Variants in MEI4 observed in about 807,000 individuals in gnomAD.
MEI4 encodes meiosis-specific protein MEI4.
In MEI4, 27 loss-of-function variants were observed where a neutral mutation model predicts 31.4. The ratio of observed to expected loss-of-function variants is 0.86; its 90% CI spans 0.63 to 1.19. The LOEUF is 1.19. MEI4 is among the 50% of genes most tolerant of loss of function. The probability of loss-of-function intolerance (pLI) is 0.00; values close to 1 mark genes in which losing one functional copy is unlikely to be tolerated. For missense variants in MEI4, 329 were observed against 398.9 expected, an observed-to-expected ratio of 0.82 and a Z score of 1.49; for synonymous variants, 122 against 145.4, an observed-to-expected ratio of 0.84 and a Z score of 1.16.
At chr6:77,763,337 C>T (rs571634066) in intron 3 of MEI4, among the ~76,000 whole-genome samples, 1 of 152,192 alleles carries the variant, frequency 6.6e-6, no homozygotes, top group South Asian at 2.1e-4. Flanking sequence ...CCATGCACAC[C>T]AAGTTCCCTG....
rs542008733 is a variant in MEI4, at chr6:77,865,162, A to G, written c.900+36100A>G. 5.9e-5 allele frequency among the ~76,000 whole-genome samples: 9 copies of G among 152,332 alleles called. No homozygotes were observed. In the East Asian group the frequency reaches 1.4e-3, roughly 23 times the overall value. The stretch of plus-strand genomic sequence containing the variant: ...CTAAAATTGACACCCTAACATCACA[A>G]TTAAAAGAACTAGAGAAGCAAGAGC... On this transcript the variant is annotated intron_variant, in intron 4 of 4. Transcript: ENST00000684080.
rs188124944 is a variant in MEI4 at position 77,791,520 on chromosome 6, G to A, written c.768+29855G>A. 3.2e-3 allele frequency among the ~76,000 whole-genome samples: 435 copies of A among 135,140 alleles called. 1 individual carries two copies. Among genetic ancestry groups the A allele is most frequent in the African/African-American group, 0.012 (424 of 35,678 alleles). 88.7% of individuals were successfully genotyped at this position (135,140 alleles called of 152,430 possible). A position where few individuals can be genotyped will look rare whatever the true frequency, so the allele number is the denominator to read the frequency against. The stretch of plus-strand genomic sequence containing the variant: ...CACAGGAAGGGGAATATCACACTCT[G>A]GCGACTGTTGTGGGGTGGGGGGAGG... On this transcript the variant is annotated intron_variant, in intron 3 of 4. Transcript: ENST00000684080.
intron 4 of MEI4, among the ~76,000 whole-genome samples, chr6:77,852,115 G>A (rs1397861219): frequency 6.6e-6 from 1 of 152,218 alleles, no homozygotes; most frequent in Non-Finnish European, 1.5e-5. Context: ...ATCTAAGCCT[G>A]GTAGCTTTGC....
chr6:77,887,043 G>A (rs1023382748), intron 4 of MEI4, among the ~76,000 whole-genome samples: 1 of 151,476 alleles, frequency 6.6e-6, no homozygotes, highest in African/African-American at 2.4e-5. Flanking sequence ...GGGGTTTATT[G>A]TTATGTTGTT....
intron 2 of MEI4, among the ~76,000 whole-genome samples, chr6:77,714,043 T>C (rs1766525900): frequency 6.6e-6 from 1 of 152,200 alleles, no homozygotes; most frequent in African/African-American, 2.4e-5. Context: ...GCTCTATCTA[T>C]GTCCCTACAA....
chr6:77,677,476 C>T (rs1476595510), intron 1 of MEI4, among the ~76,000 whole-genome samples: 1 of 152,202 alleles, frequency 6.6e-6, no homozygotes, highest in Non-Finnish European at 1.5e-5. Flanking sequence ...CTTTTCTTCC[C>T]TAGTATAGTG....
chr6:77,668,567 C>T (rs1582005675), intron 1 of MEI4, among the ~76,000 whole-genome samples: 1 of 152,182 alleles, frequency 6.6e-6, no homozygotes, highest in East Asian at 1.9e-4. Context: ...TTATCTGTGT[C>T]TAACTATGCT....
At chr6:77,661,162 C>A (rs1768498427) in intron 1 of MEI4, among the ~76,000 whole-genome samples, 1 of 152,098 alleles carries the variant, frequency 6.6e-6, no homozygotes, top group Non-Finnish European at 1.5e-5. Context: ...CTGTCCAATC[C>A]TTTTTAAGTT....
chr6:77,741,500 A>C (rs1767399508), intron 2 of MEI4, among the ~76,000 whole-genome samples: 1 of 152,148 alleles, frequency 6.6e-6, no homozygotes, highest in African/African-American at 2.4e-5. Context: ...AAAGTAGTGG[A>C]AGGGACTAGG....
At chr6:77,711,861 T>C (rs1032675300) in intron 2 of MEI4, among the ~76,000 whole-genome samples, 5 of 152,232 alleles carry the variant, frequency 3.3e-5, no homozygotes, top group Non-Finnish European at 5.9e-5. Flanking sequence ...TTTGTTATCA[T>C]ATGTGGCTTA....
intron 2 of MEI4, among the ~76,000 whole-genome samples, chr6:77,739,338 G>T (rs1268817612): frequency 6.6e-6 from 1 of 152,094 alleles, no homozygotes; most frequent in Non-Finnish European, 1.5e-5. Context: ...ATTAAATAGG[G>T]AATCCTGTCC....
At chr6:77,741,935 C>T (rs1176172219) in intron 2 of MEI4, among the ~76,000 whole-genome samples, 1 of 151,942 alleles carries the variant, frequency 6.6e-6, no homozygotes, top group Non-Finnish European at 1.5e-5. Flanking sequence ...CATGTCCCTA[C>T]AAAGGACATG....
intron 3 of MEI4, among the ~76,000 whole-genome samples, chr6:77,765,921 A>G (rs1768162758): frequency 6.6e-6 from 1 of 152,196 alleles, no homozygotes; most frequent in African/African-American, 2.4e-5. Context: ...TCAGCAAAGT[A>G]TCGCAAGGAC....
At chr6:77,783,511 C>A (rs962612851) in intron 3 of MEI4, among the ~76,000 whole-genome samples, 2 of 151,914 alleles carry the variant, frequency 1.3e-5, no homozygotes, top group African/African-American at 2.4e-5. Flanking sequence ...TTTTTCTTGG[C>A]TTTGTAAGTA....
At chr6:77,733,380 A>T (rs146298144) in intron 2 of MEI4, among the ~76,000 whole-genome samples, 22,879 of 151,934 alleles carry the variant, frequency 0.15, 2,149 homozygotes, top group East Asian at 0.4. Context: ...CTAGGAATTT[A>T]TCCATTTCTT....
At chr6:77,874,585 A>G (rs1771283765) in intron 4 of MEI4, among the ~76,000 whole-genome samples, 1 of 152,142 alleles carries the variant, frequency 6.6e-6, no homozygotes, top group African/African-American at 2.4e-5. Context: ...TTCCTAATTG[A>G]ATACCCTTTA....
chr6:77,774,584 T>C (rs1768392905), intron 3 of MEI4, among the ~76,000 whole-genome samples: 1 of 151,896 alleles, frequency 6.6e-6, no homozygotes, highest in Non-Finnish European at 1.5e-5. Context: ...TTAAACAGGA[T>C]GAGAGGAAGT....
chr6:77,667,522 A>C (rs1768661970), intron 1 of MEI4, among the ~76,000 whole-genome samples: 1 of 152,170 alleles, frequency 6.6e-6, no homozygotes, highest in South Asian at 2.1e-4. Context: ...TTCATATATA[A>C]TATGGCTTAA....
intron 2 of MEI4, among the ~76,000 whole-genome samples, chr6:77,698,523 A>T (rs1766118422): frequency 6.6e-6 from 1 of 152,182 alleles, no homozygotes; most frequent in Non-Finnish European, 1.5e-5. Context: ...TCCTTTGCTT[A>T]TGAAACTTAG....
Sources: allele counts gnomAD v4.1 joint callset (sites outside exome capture counted in the v4.1 genomes callset), GRCh38; gene constraint gnomAD v4.1.1; transcripts MANE v1.5; gene names NCBI Gene and HGNC (gene_info 2026-07-23, HGNC 2026-07-21).